Variants in PDE8B observed in about 807,000 individuals in gnomAD.
The protein encoded by PDE8B is high affinity cAMP-specific and IBMX-insensitive 3',5'-cyclic phosphodiesterase 8B.
A neutral mutation model predicts 101.3 loss-of-function variants in PDE8B; 26 were observed. That is an observed-to-expected ratio of 0.26 (90% CI 0.19 to 0.36). The LOEUF (loss-of-function observed/expected upper bound fraction) is 0.36, where lower values mean the gene tolerates loss of function less well. Among genes scored for constraint, PDE8B ranks in the 10% least tolerant of loss-of-function variants. The probability of loss-of-function intolerance (pLI) is 1.00; values close to 1 mark genes in which losing one functional copy is unlikely to be tolerated. For missense variants in PDE8B, 810 were observed against 1,163.1 expected, an observed-to-expected ratio of 0.70 and a Z score of 4.42; for synonymous variants, 424 against 429.3, an observed-to-expected ratio of 0.99 and a Z score of 0.15.
chr5:77,287,532 T>C lies in PDE8B; in HGVS notation c.340-24462T>C, dbSNP rs143909205. Among the ~76,000 whole-genome samples, 104 of 151,562 alleles carry C rather than the reference T, an allele frequency of 6.9e-4. 2 individuals are homozygous for C. In the East Asian group the frequency reaches 0.019, roughly 28 times the overall value. On this transcript the variant is annotated intron_variant, in intron 1 of 21. Transcript: ENST00000264917. Reference sequence around the variant, plus strand: ...TATTGGAATATTCTCCACCATTTTCTCTTCAAATATTGTTCCTGACGCGTT... The same window carrying C: ...TATTGGAATATTCTCCACCATTTTCCCTTCAAATATTGTTCCTGACGCGTT...
At chr5:77,361,132 A>G (rs1783023866) in intron 10 of PDE8B, among the ~76,000 whole-genome samples, 1 of 152,218 alleles carries the variant, frequency 6.6e-6, no homozygotes, top group African/African-American at 2.4e-5. Flanking sequence ...CGTCTGTTTT[A>G]TCTGTATTAT....
At chr5:77,097,717 A>ATATATATATATATATC in the PDE8B span, among the ~76,000 whole-genome samples, 3 of 41,022 alleles carry the variant, frequency 7.3e-5, no homozygotes, top group East Asian at 3.2e-3. Context: ...CTATATATAT[A>ATATATATATATATATC]TATATATATA....
rs541286009 is a variant in PDE8B at position 77,333,017 on chromosome 5, C to T, written c.708+1558C>T. Among the ~76,000 whole-genome samples, 7 of 151,758 alleles carry T rather than the reference C, an allele frequency of 4.6e-5. No individual in the cohort carries two copies. In the South Asian group the frequency reaches 1.3e-3, roughly 27 times the overall value. On this transcript the variant is annotated intron_variant, in intron 5 of 21. Transcript: ENST00000264917. ...ATATATTCCTGTTAGTTGTAGACCA[C>T]AGAGAAGCAAAAACTACCTTTGTGA...
chr5:77,416,736 C>CA (rs1795641767), intron 17 of PDE8B, among the ~76,000 whole-genome samples: 1 of 152,182 alleles, frequency 6.6e-6, no homozygotes, highest in Non-Finnish European at 1.5e-5. Context: ...GCCCCTTGGC[C>CA]ATCAGGGTGC....
At chr5:77,416,472 G>A (rs975077701) in intron 17 of PDE8B, among the ~76,000 whole-genome samples, 11 of 152,168 alleles carry the variant, frequency 7.2e-5, no homozygotes, top group Admixed American at 3.3e-4. Context: ...GCAGGTGACC[G>A]TGGCCTCTCC....
chr5:77,146,842 G>C, the PDE8B span: 23 of 352,060 alleles, frequency 6.5e-5, no homozygotes, highest in African/African-American at 5.0e-4. Flanking sequence ...GTAGTTCAAG[G>C]ATCCCAATGC....
At chr5:77,410,279 A>G (rs1057291407) in intron 14 of PDE8B, 5 of 152,290 alleles carry the variant, frequency 3.3e-5, no homozygotes, top group Non-Finnish European at 7.3e-5. Context: ...GCAGCACTGC[A>G]CTCATCTTTA....
chr5:77,388,122 G>C (rs1381321317), intron 10 of PDE8B, among the ~76,000 whole-genome samples: 1 of 152,084 alleles, frequency 6.6e-6, no homozygotes, highest in Non-Finnish European at 1.5e-5. Flanking sequence ...TCCCTTGCTG[G>C]CAAGGAGTTG....
chr5:77,129,173 A>G, the PDE8B span, among the ~76,000 whole-genome samples: 1 of 152,204 alleles, frequency 6.6e-6, no homozygotes, highest in South Asian at 2.1e-4. Flanking sequence ...TTAAAAAAAA[A>G]TCTTCAGTGT....
intron 2 of PDE8B, among the ~76,000 whole-genome samples, 195 bp from the exon 3 acceptor site, chr5:77,325,344 A>AT (rs570554835): frequency 1.1e-4 from 17 of 151,982 alleles, no homozygotes; most frequent in Admixed American, 1.0e-3. Flanking sequence ...ATTTTTTTGT[A>AT]TTTTTTGTAG....
chr5:77,295,927 T>C (rs759105076), intron 1 of PDE8B, among the ~76,000 whole-genome samples: 28 of 152,338 alleles, frequency 1.8e-4, no homozygotes, highest in Non-Finnish European at 2.1e-4. Flanking sequence ...ACATTTCTTT[T>C]TGATAAACAG....
the PDE8B span, among the ~76,000 whole-genome samples, chr5:77,096,430 C>T: frequency 1.9e-4 from 29 of 152,234 alleles, no homozygotes; most frequent in East Asian, 3.7e-3. Flanking sequence ...TTATAATGAA[C>T]GGGCATTTAT....
At chr5:77,224,271 A>T (rs577123431) in intron 1 of PDE8B, among the ~76,000 whole-genome samples, 1 of 152,182 alleles carries the variant, frequency 6.6e-6, no homozygotes, top group African/African-American at 2.4e-5. Flanking sequence ...CTAGCTTTGA[A>T]TGTAACACCC....
chr5:77,252,333 C>A (rs997718802), intron 1 of PDE8B, among the ~76,000 whole-genome samples: 3 of 152,228 alleles, frequency 2.0e-5, no homozygotes, highest in African/African-American at 7.2e-5. Context: ...ATAAGAAGCT[C>A]AGTTTTACAA....
At chr5:77,262,178 G>C (rs937348615) in intron 1 of PDE8B, among the ~76,000 whole-genome samples, 32 of 151,268 alleles carry the variant, frequency 2.1e-4, no homozygotes, top group African/African-American at 7.6e-4. Flanking sequence ...GGTGGCACTA[G>C]TGAGTGTGCC....
intron 10 of PDE8B, among the ~76,000 whole-genome samples, chr5:77,368,909 A>T (rs1784582632): frequency 6.6e-6 from 1 of 152,124 alleles, no homozygotes; most frequent in Admixed American, 6.5e-5. Context: ...TAAAGACAAA[A>T]GAAAAAGAAG....
intron 1 of PDE8B, among the ~76,000 whole-genome samples, chr5:77,218,453 C>T (rs1480149698): frequency 1.3e-5 from 2 of 152,184 alleles, no homozygotes; most frequent in Admixed American, 1.3e-4. Flanking sequence ...GGTCTCTCAC[C>T]CCATGAGCCC....
rs541535967 is a variant in PDE8B, at chr5:77,240,604, C to G, written c.339+29340C>G. 3.8e-4 allele frequency among the ~76,000 whole-genome samples: 58 copies of G among 152,354 alleles called. No individual in the cohort carries two copies. The East Asian group carries it at 0.011, about 29-fold the overall frequency. Reference sequence around the variant, plus strand: ...AGATAATCCTATGCCAACATCTTCTCCATCACTAGGGCTAGCTATTAATAT... The same window carrying G: ...AGATAATCCTATGCCAACATCTTCTGCATCACTAGGGCTAGCTATTAATAT... On this transcript the variant is annotated intron_variant, in intron 1 of 21. Coordinates refer to ENST00000264917, the MANE Select transcript of PDE8B (RefSeq NM_003719.5).
intron 2 of PDE8B, among the ~76,000 whole-genome samples, chr5:77,322,510 C>A (rs2150209043): frequency 6.6e-6 from 1 of 152,296 alleles, no homozygotes; most frequent in East Asian, 1.9e-4. Context: ...CTGCTCCCAC[C>A]CTTTTGCCCT....
Sources: allele counts gnomAD v4.1 joint callset (sites outside exome capture counted in the v4.1 genomes callset), GRCh38; gene constraint gnomAD v4.1.1; transcripts MANE v1.5; gene names NCBI Gene and HGNC (gene_info 2026-07-23, HGNC 2026-07-21).